SPHKAP: variants seen among roughly 807,000 people sequenced by gnomAD.
The protein encoded by SPHKAP is A-kinase anchor protein SPHKAP.
A neutral mutation model predicts 137.5 loss-of-function variants in SPHKAP; 67 were observed. The ratio of observed to expected loss-of-function variants is 0.49; its 90% CI spans 0.40 to 0.60. The LOEUF (loss-of-function observed/expected upper bound fraction) is 0.60, where lower values mean the gene tolerates loss of function less well. SPHKAP is among the 20% of genes least tolerant of loss of function. The probability of loss-of-function intolerance (pLI) is 0.00; values close to 1 mark genes in which losing one functional copy is unlikely to be tolerated. For synonymous variants in SPHKAP, 813 were observed against 785.3 expected (o/e 1.04, Z -0.59); for missense variants, 2,097 against 2,069.3 (o/e 1.01, Z -0.26).
intron 3 of SPHKAP, among the ~76,000 whole-genome samples, chr2:228,036,810 A>C (rs909299791): frequency 6.6e-6 from 1 of 150,992 alleles, no homozygotes; most frequent in Non-Finnish European, 1.5e-5. Flanking sequence ...GCATGTTCTC[A>C]CTCATAGGTG....
At chr2:228,031,247 G>T (rs550581270) in intron 3 of SPHKAP, among the ~76,000 whole-genome samples, 2 of 152,178 alleles carry the variant, frequency 1.3e-5, no homozygotes, top group Non-Finnish European at 2.9e-5. Context: ...AGGGTCCTAC[G>T]CCCATGGAGT....
intron 3 of SPHKAP, among the ~76,000 whole-genome samples, chr2:228,074,969 G>A (rs1305323813): frequency 6.6e-6 from 1 of 152,056 alleles, no homozygotes; most frequent in East Asian, 1.9e-4. Context: ...AGGAAGAAGA[G>A]GAGGAGGAGG....
chr2:228,173,648 C>T (rs780157903), intron 1 of SPHKAP, among the ~76,000 whole-genome samples: 1 of 152,118 alleles, frequency 6.6e-6, no homozygotes, highest in Non-Finnish European at 1.5e-5. Context: ...GACCATTTCT[C>T]CTGCGAAACC....
At chr2:228,180,570 GCACGAAGAGC>G (rs1700876236) in intron 1 of SPHKAP, among the ~76,000 whole-genome samples, 1 of 152,162 alleles carries the variant, frequency 6.6e-6, no homozygotes, top group African/African-American at 2.4e-5. Flanking sequence ...AGTAGGGATG[GCACGAAGAGC>G]CACGCTAAGC....
chr2:227,995,413 CT>C, intron 8 of SPHKAP, 95 bp downstream of exon 8: 2 of 1,469,086 alleles, frequency 1.4e-6, no homozygotes. Flanking sequence ...CTCCTTCTCT[CT>C]TTATTAGGGA....
rs546862935 is a variant in SPHKAP, at chr2:228,041,875, A to T, written c.247-14332T>A. ...GCTCCTATGCTGTTGTGAGGAAAGG[A>T]GATGGGAGCCATGTCCTGTGGGTTG... On this transcript the variant is annotated intron_variant, in intron 3 of 11. Transcript: ENST00000392056. Among the ~76,000 whole-genome samples the T allele has an allele frequency of 2.6e-5, 4 of 152,056 alleles. No individual in the cohort carries two copies. The South Asian group carries it at 8.3e-4, about 32-fold the overall frequency.
At chr2:227,986,399 T>C (rs936149659) in intron 11 of SPHKAP, among the ~76,000 whole-genome samples, 3 of 148,954 alleles carry the variant, frequency 2.0e-5, no homozygotes, top group East Asian at 1.9e-4. Context: ...AATGATATTA[T>C]GGACTTTGGA....
intron 7 of SPHKAP, among the ~76,000 whole-genome samples, chr2:228,010,612 C>T (rs1357474542): frequency 6.6e-6 from 1 of 152,086 alleles, no homozygotes; most frequent in Non-Finnish European, 1.5e-5. Flanking sequence ...AACAGAAGAC[C>T]TTTCACATTT....
chr2:228,026,655 CAAATACAATTGTATGTGTA>C (rs1269451197), intron 4 of SPHKAP, among the ~76,000 whole-genome samples: 1 of 152,176 alleles, frequency 6.6e-6, no homozygotes, highest in Non-Finnish European at 1.5e-5. Context: ...ATAATTCTAT[CAAATACAATTGTATGTGTA>C]ATTTCTTTTG....
At chr2:228,009,957 G>A (rs1263313226) in intron 7 of SPHKAP, among the ~76,000 whole-genome samples, 1 of 152,152 alleles carries the variant, frequency 6.6e-6, no homozygotes, top group Admixed American at 6.5e-5. Context: ...TGTACCTATA[G>A]ATTCATGCCT....
chr2:228,077,494 C>A (rs1030928679), intron 3 of SPHKAP, among the ~76,000 whole-genome samples: 2 of 152,204 alleles, frequency 1.3e-5, no homozygotes, highest in African/African-American at 4.8e-5. Flanking sequence ...TCAAAGGAGA[C>A]CATATTGGAA....
intron 3 of SPHKAP, among the ~76,000 whole-genome samples, chr2:228,072,892 G>T (rs1396192772): frequency 6.6e-6 from 1 of 152,204 alleles, no homozygotes. Flanking sequence ...CTGATGCCCT[G>T]TGGAGCCAGG....
chr2:228,099,831 C>T (rs1376636583), intron 3 of SPHKAP, among the ~76,000 whole-genome samples: 1 of 147,482 alleles, frequency 6.8e-6, no homozygotes, highest in Non-Finnish European at 1.5e-5. Flanking sequence ...TATTGGTGTA[C>T]AGAAATGCTA....
At chr2:228,172,066 A>G (rs1487706208) in intron 1 of SPHKAP, among the ~76,000 whole-genome samples, 2 of 152,166 alleles carry the variant, frequency 1.3e-5, no homozygotes, top group African/African-American at 4.8e-5. Flanking sequence ...GTGTGTGTGT[A>G]TATCCTATTT....
intron 3 of SPHKAP, among the ~76,000 whole-genome samples, chr2:228,104,308 TATTA>T (rs1326536194): frequency 6.9e-6 from 1 of 145,606 alleles, no homozygotes; most frequent in African/African-American, 2.5e-5. Flanking sequence ...TATATAATAA[TATTA>T]ATAATATAAT....
At chr2:228,078,574 G>A (rs867817889) in intron 3 of SPHKAP, among the ~76,000 whole-genome samples, 32 of 152,112 alleles carry the variant, frequency 2.1e-4, no homozygotes, top group African/African-American at 6.8e-4. Context: ...TGGTGGAATA[G>A]GACTCTTTAA....
At chr2:227,989,311 C>T (rs1015472800) in intron 11 of SPHKAP, among the ~76,000 whole-genome samples, 30 of 152,118 alleles carry the variant, frequency 2.0e-4, no homozygotes, top group Admixed American at 1.2e-3. Context: ...CTCATGTACC[C>T]GATTTGCTCC....
chr2:228,033,195 A>C (rs1030542393), intron 3 of SPHKAP, among the ~76,000 whole-genome samples: 13 of 152,184 alleles, frequency 8.5e-5, no homozygotes, highest in African/African-American at 2.9e-4. Context: ...TCTACCAAGC[A>C]AATGGAAAAC....
chr2:228,014,985 A>ATG (rs948934001), intron 7 of SPHKAP, among the ~76,000 whole-genome samples: 1 of 151,938 alleles, frequency 6.6e-6, no homozygotes, highest in African/African-American at 2.4e-5. Flanking sequence ...TTAGTTACAT[A>ATG]TGTATACACG....
Sources: allele counts gnomAD v4.1 joint callset (sites outside exome capture counted in the v4.1 genomes callset), GRCh38; gene constraint gnomAD v4.1.1; transcripts MANE v1.5; gene names NCBI Gene and HGNC (gene_info 2026-07-23, HGNC 2026-07-21).